KCNB2: variants seen among roughly 807,000 people sequenced by gnomAD.
KCNB2 encodes the protein delayed rectifier potassium channel protein.
Under a neutral mutation model 61.5 loss-of-function variants are expected in KCNB2, and 15 were observed. That is an observed-to-expected ratio of 0.24 (90% CI 0.16 to 0.38). The LOEUF is 0.38. Ranked by LOEUF, KCNB2 falls within the 10% of genes least tolerant of loss-of-function variation. The pLI, the probability that KCNB2 is intolerant of heterozygous loss-of-function variation, is 1.00. For synonymous variants in KCNB2, 457 were observed against 446.0 expected, an observed-to-expected ratio of 1.02 and a Z score of -0.31; for missense variants, 828 against 1,125.2, an observed-to-expected ratio of 0.74 and a Z score of 3.78.
In KCNB2 at chr8:72,936,247, C is replaced by T; in HGVS notation, c.892C>T (p.Arg298Cys). ...KSVLQFQNVR[R>C]VVQIFRIMRI... ...CGTGCTGCAGTTCCAAAACGTGAGG[C>T]GCGTGGTCCAGATCTTCCGAATCAT... is the stretch of plus-strand genomic sequence containing the variant. The change falls in exon 3 of 3, where the codon CGC becomes TGC. Residue 298 changes from arginine (R) to cysteine (C), a missense_variant. Transcript: ENST00000523207. The surrounding 1 kb of genome is among the most constrained non-coding windows in gnomAD (Gnocchi z 5.6). 6.2e-7 allele frequency: 1 copy of T among 1,614,236 alleles called. No individual in the cohort carries two copies. Among genetic ancestry groups the T allele is most frequent in the Non-Finnish European group, 8.5e-7 (1 of 1,180,034 alleles).
chr8:72,644,121 G>A (rs965905340), intron 2 of KCNB2, among the ~76,000 whole-genome samples: 1 of 152,052 alleles, frequency 6.6e-6, no homozygotes, highest in Non-Finnish European at 1.5e-5. Flanking sequence ...CTTTGAAAGA[G>A]AGTTTTGTGC....
intron 1 of KCNB2, among the ~76,000 whole-genome samples, chr8:72,567,028 G>A (rs1806635330): frequency 6.6e-6 from 1 of 152,006 alleles, no homozygotes; most frequent in Non-Finnish European, 1.5e-5. Flanking sequence ...TTATCTAGAA[G>A]GAGTTGATCA....
chr8:72,762,616 T>C (rs189973507), intron 2 of KCNB2, among the ~76,000 whole-genome samples: 13 of 152,194 alleles, frequency 8.5e-5, no homozygotes, highest in African/African-American at 3.1e-4. Flanking sequence ...TTTCTTCATA[T>C]GTAAAGTGAG....
intron 2 of KCNB2, among the ~76,000 whole-genome samples, chr8:72,900,911 A>C (rs1806079502): frequency 6.6e-6 from 1 of 152,216 alleles, no homozygotes; most frequent in Non-Finnish European, 1.5e-5. Context: ...TAATTGGTTC[A>C]GTCTCTGTGG....
intron 2 of KCNB2, among the ~76,000 whole-genome samples, chr8:72,660,330 G>T (rs967387097): frequency 1.9e-4 from 29 of 152,136 alleles, no homozygotes; most frequent in African/African-American, 6.8e-4. Context: ...AGAGGATGAA[G>T]GTGGTCCGAT....
At position 72,841,383 on chromosome 8, in the gene KCNB2, T is replaced by G. The variant is rs1585924550; in HGVS notation, c.580-94552T>G. Reference sequence around the variant, plus strand: ...TTTCTTTTTTTTTTCTTTTTTTTTTTTTTTTTTGCTTAGGATTGTCTTGGC... The same window carrying G: ...TTTCTTTTTTTTTTCTTTTTTTTTTGTTTTTTTGCTTAGGATTGTCTTGGC... On this transcript the variant is annotated intron_variant, in intron 2 of 2. Transcript: ENST00000523207. Among the ~76,000 whole-genome samples, 7 of 125,994 alleles carry G rather than the reference T, an allele frequency of 5.6e-5. 1 individual carries two copies. In the South Asian group the frequency reaches 1.6e-3, roughly 29 times the overall value. 82.7% of individuals were successfully genotyped at this position (125,994 alleles called of 152,430 possible). A position where few individuals can be genotyped will look rare whatever the true frequency, so the allele number is the denominator to read the frequency against.
intron 2 of KCNB2, among the ~76,000 whole-genome samples, chr8:72,681,093 T>G (rs574841210): frequency 6.6e-6 from 1 of 151,932 alleles, no homozygotes; most frequent in Non-Finnish European, 1.5e-5. Flanking sequence ...ATGTGAAAAA[T>G]AAGTCAAAGA....
intron 2 of KCNB2, among the ~76,000 whole-genome samples, chr8:72,697,571 A>G (rs1807037621): frequency 6.6e-6 from 1 of 152,094 alleles, no homozygotes; most frequent in African/African-American, 2.4e-5. Flanking sequence ...CCCGGAGTTC[A>G]AGGCTGCAGT....
chr8:72,693,091 C>A (rs1806964755), intron 2 of KCNB2, among the ~76,000 whole-genome samples: 2 of 152,160 alleles, frequency 1.3e-5, no homozygotes, highest in African/African-American at 4.8e-5. Context: ...CTTCTGGCCA[C>A]CAGTCTTAGC....
At chr8:72,860,477 C>T (rs987577964) in intron 2 of KCNB2, among the ~76,000 whole-genome samples, 2 of 152,172 alleles carry the variant, frequency 1.3e-5, no homozygotes, top group Non-Finnish European at 2.9e-5. Flanking sequence ...TGTATTAAAG[C>T]CTGTTTAAAA....
intron 2 of KCNB2, among the ~76,000 whole-genome samples, chr8:72,594,572 G>A (rs1807156219): frequency 6.6e-6 from 1 of 152,058 alleles, no homozygotes; most frequent in Non-Finnish European, 1.5e-5. Flanking sequence ...CTTTTGTTTT[G>A]GTAATGACCA....
intron 2 of KCNB2, among the ~76,000 whole-genome samples, chr8:72,679,620 A>G (rs1191315582): frequency 6.6e-6 from 1 of 152,202 alleles, no homozygotes; most frequent in East Asian, 1.9e-4. Flanking sequence ...AGTTTTTATT[A>G]TGTTTTGACA....
intron 2 of KCNB2, among the ~76,000 whole-genome samples, chr8:72,825,135 G>A (rs962434027): frequency 6.6e-6 from 1 of 152,134 alleles, no homozygotes; most frequent in African/African-American, 2.4e-5. Context: ...CATCTAAGTG[G>A]AATCATACAG....
At chr8:72,577,000 C>T (rs1806804572) in intron 2 of KCNB2, among the ~76,000 whole-genome samples, 2 of 152,342 alleles carry the variant, frequency 1.3e-5, no homozygotes, top group East Asian at 3.9e-4. Flanking sequence ...AACATCAGAA[C>T]TATATCAGAC....
intron 2 of KCNB2, among the ~76,000 whole-genome samples, chr8:72,711,375 G>T (rs1341203643): frequency 6.6e-6 from 1 of 152,160 alleles, no homozygotes; most frequent in African/African-American, 2.4e-5. Flanking sequence ...CATGCGCCAG[G>T]CCTCCTACAA....
At chr8:72,559,860 G>C (rs183834914) in intron 1 of KCNB2, among the ~76,000 whole-genome samples, 26 of 152,292 alleles carry the variant, frequency 1.7e-4, no homozygotes, top group African/African-American at 4.8e-4. Flanking sequence ...TAGACAACTA[G>C]AGATCTGGGT....
intron 2 of KCNB2, among the ~76,000 whole-genome samples, chr8:72,712,199 G>A (rs1038086806): frequency 1.3e-4 from 20 of 152,166 alleles, no homozygotes; most frequent in African/African-American, 4.6e-4. Context: ...GAAAGAGAAG[G>A]CAATGAGGTG....
intron 2 of KCNB2, among the ~76,000 whole-genome samples, chr8:72,815,761 A>G (rs1809387053): frequency 6.6e-6 from 1 of 152,170 alleles, no homozygotes; most frequent in South Asian, 2.1e-4. Flanking sequence ...AGGATTCTAC[A>G]GCAAGAGAGA....
intron 2 of KCNB2, among the ~76,000 whole-genome samples, chr8:72,700,099 A>G (rs1419857085): frequency 6.6e-6 from 1 of 152,182 alleles, no homozygotes; most frequent in Non-Finnish European, 1.5e-5. Flanking sequence ...ACAGGAACAG[A>G]AAACCAAACA....
Sources: gnomAD v4.1 joint callset for allele counts (sites outside exome capture counted in the v4.1 genomes callset) on GRCh38, gnomAD v4.1.1 for gene constraint, Gnocchi (gnomAD v3.1) non-coding constraint, MANE v1.5 for transcripts, NCBI Gene and HGNC (gene_info 2026-07-23, HGNC 2026-07-21) for gene names.